DMD: variants seen among roughly 807,000 people sequenced by gnomAD.
DMD encodes the protein mutant dystrophin.
A neutral mutation model predicts 330.1 loss-of-function variants in DMD; 63 were observed. That is an observed-to-expected ratio of 0.19 (90% CI 0.16 to 0.24). The LOEUF (loss-of-function observed/expected upper bound fraction) is 0.24, where lower values mean the gene tolerates loss of function less well. Ranked by LOEUF, DMD falls within the 10% of genes least tolerant of loss-of-function variation. The pLI, the probability that DMD is intolerant of heterozygous loss-of-function variation, is 1.00. For missense variants in DMD, 3,344 were observed against 2,684.1 expected (o/e 1.25, Z -5.43); for synonymous variants, 1,223 against 959.8 (o/e 1.27, Z -5.07).
intron 52 of DMD, among the ~76,000 whole-genome samples, chrX:31,686,708 T>C (rs1000699735): frequency 3.6e-5 from 4 of 112,382 alleles, no homozygotes; most frequent in Non-Finnish European, 7.5e-5. Context: ...AGAGAATCTG[T>C]TGGCATATCC....
intron 12 of DMD, 39 bp downstream of exon 12, chrX:32,614,264 G>A (rs2057391651): frequency 8.4e-7 from 1 of 1,196,183 alleles, no homozygotes; most frequent in Admixed American, 2.2e-5. Context: ...CACAGAGTTT[G>A]CTTTCTAGTA....
chrX:31,789,658 C>T (rs2091477000), intron 50 of DMD, among the ~76,000 whole-genome samples: 1 of 110,431 alleles, frequency 9.1e-6, no homozygotes, highest in Non-Finnish European at 1.9e-5. Flanking sequence ...TTCTTTTTTC[C>T]TAAGATATCT....
At chrX:32,248,994 C>T (rs927249520) in intron 43 of DMD, among the ~76,000 whole-genome samples, 1 of 110,822 alleles carries the variant, frequency 9.0e-6, no homozygotes, top group African/African-American at 3.3e-5. Context: ...AATAAGTTAA[C>T]AAAGGATGAA....
intron 1 of DMD, among the ~76,000 whole-genome samples, chrX:33,299,593 A>G (rs1356864736): frequency 9.0e-6 from 1 of 111,626 alleles, no homozygotes; most frequent in Non-Finnish European, 1.9e-5. Context: ...AAAATGAAAT[A>G]TGCAAGAAAG....
intron 1 of DMD, among the ~76,000 whole-genome samples, chrX:33,171,770 AAG>A (rs749752375): frequency 7.2e-5 from 8 of 111,720 alleles, no homozygotes; most frequent in Non-Finnish European, 1.3e-4. Context: ...CTTGAAACAG[AAG>A]AGAGAGCAAA....
chrX:32,232,531 C>T (rs745643664), intron 43 of DMD, among the ~76,000 whole-genome samples: 7 of 111,596 alleles, frequency 6.3e-5, no homozygotes, highest in Non-Finnish European at 1.1e-4. Flanking sequence ...GAACTGAAAT[C>T]TGACCCAAGT....
chrX:32,715,886 G>A (rs1034468644), intron 7 of DMD, among the ~76,000 whole-genome samples: 4 of 111,312 alleles, frequency 3.6e-5, no homozygotes, highest in African/African-American at 1.3e-4. Flanking sequence ...GACACAGAAA[G>A]AAAAATATTG....
intron 9 of DMD, among the ~76,000 whole-genome samples, chrX:32,654,084 T>C (rs2060377518): frequency 8.9e-6 from 1 of 111,864 alleles, no homozygotes; most frequent in South Asian, 3.7e-4. Flanking sequence ...TATACAATCA[T>C]GTCATCTGCA....
intron 44 of DMD, among the ~76,000 whole-genome samples, chrX:32,080,813 C>T (rs1413914913): frequency 8.9e-6 from 1 of 111,818 alleles, no homozygotes; most frequent in Non-Finnish European, 1.9e-5. Flanking sequence ...TCTGAGAAGG[C>T]TATCATCCAA....
rs1556919106 is a variant in DMD, at chrX:31,822,653, G to GTGTGTGTGTGTGTGT, written c.7201-2571_7201-2570insACACACACACACACA. On this transcript the variant is annotated intron_variant, in intron 49 of 78. Coordinates refer to ENST00000357033, the MANE Select transcript of DMD (RefSeq NM_004006.3). ...TTGGCCATACAGAAAAAGGCAGAGG[G>GTGTGTGTGTGTGTGT]GTGTGTGTGTGTGTGTGTGTGTGTG... is the stretch of plus-strand genomic sequence containing the variant. Among the ~76,000 whole-genome samples, 136 of 65,799 alleles carry GTGTGTGTGTGTGTGT rather than the reference G, an allele frequency of 2.1e-3. 2 individuals are homozygous for GTGTGTGTGTGTGTGT. Among genetic ancestry groups the GTGTGTGTGTGTGTGT allele is most frequent in the East Asian group, 6.7e-3 (11 of 1,630 alleles). 57.1% of individuals were successfully genotyped at this position (65,799 alleles called of 115,157 possible). A position where few individuals can be genotyped will look rare whatever the true frequency, so the allele number is the denominator to read the frequency against.
chrX:32,569,555 C>T (rs2052157445), intron 15 of DMD, among the ~76,000 whole-genome samples: 1 of 111,608 alleles, frequency 9.0e-6, no homozygotes, highest in Non-Finnish European at 1.9e-5. Context: ...GCATTCCTAA[C>T]AAATTTCCTT....
intron 12 of DMD, among the ~76,000 whole-genome samples, chrX:32,597,240 T>A (rs1186378512): frequency 1.8e-5 from 2 of 111,917 alleles, no homozygotes; most frequent in Non-Finnish European, 3.8e-5. Context: ...ATTTCTGTCA[T>A]TTTTTTAATC....
chrX:32,529,297 C>T (rs2047237156), intron 17 of DMD, among the ~76,000 whole-genome samples: 1 of 107,644 alleles, frequency 9.3e-6, no homozygotes, highest in Admixed American at 1.0e-4. Context: ...CCAAGCTGCA[C>T]CCCAACCACC....
At chrX:31,416,666 C>T (rs2061887117) in intron 60 of DMD, among the ~76,000 whole-genome samples, 1 of 112,341 alleles carries the variant, frequency 8.9e-6, no homozygotes, top group African/African-American at 3.2e-5. Flanking sequence ...GACATGATTG[C>T]ACTTGTGGAG....
intron 51 of DMD, among the ~76,000 whole-genome samples, chrX:31,758,488 C>T (rs921067602): frequency 4.5e-5 from 5 of 111,269 alleles, no homozygotes; most frequent in African/African-American, 1.3e-4. Flanking sequence ...TAAGAAAATA[C>T]GCTTTTTTGG....
intron 27 of DMD, among the ~76,000 whole-genome samples, chrX:32,447,872 A>G (rs1273265407): frequency 9.0e-6 from 1 of 111,470 alleles, no homozygotes; most frequent in Non-Finnish European, 1.9e-5. Flanking sequence ...CATAATCTAG[A>G]CAGTAAGGCC....
chrX:31,550,964 T>C (rs2074441522), intron 55 of DMD, among the ~76,000 whole-genome samples: 1 of 111,808 alleles, frequency 8.9e-6, no homozygotes, highest in Admixed American at 9.4e-5. Flanking sequence ...GCGGATCACT[T>C]GAGATCAGGA....
At chrX:32,916,621 T>A (rs2087832327) in intron 2 of DMD, among the ~76,000 whole-genome samples, 1 of 111,635 alleles carries the variant, frequency 9.0e-6, no homozygotes, top group African/African-American at 3.2e-5. Flanking sequence ...CCATAGAAAC[T>A]TTTTAAAGAT....
intron 1 of DMD, among the ~76,000 whole-genome samples, chrX:33,263,096 T>C (rs915102490): frequency 9.0e-6 from 1 of 110,747 alleles, no homozygotes; most frequent in African/African-American, 3.3e-5. Context: ...ACCACCATTC[T>C]AAAATCAAGT....
Sources: allele counts gnomAD v4.1 joint callset (sites outside exome capture counted in the v4.1 genomes callset), GRCh38; gene constraint gnomAD v4.1.1; transcripts MANE v1.5; gene names NCBI Gene and HGNC (gene_info 2026-07-23, HGNC 2026-07-21).